GRM5: variants seen among roughly 807,000 people sequenced by gnomAD.
The protein encoded by GRM5 is glutamate metabotropic receptor 5.
A neutral mutation model predicts 83.1 loss-of-function variants in GRM5; 19 were observed. That is an observed-to-expected ratio of 0.23 (90% CI 0.16 to 0.34). The LOEUF is 0.34. Ranked by LOEUF, GRM5 falls within the 10% of genes least tolerant of loss-of-function variation. The pLI is 1.00. For synonymous variants in GRM5, 675 were observed against 633.6 expected (o/e 1.07, Z -0.98); for missense variants, 1,160 against 1,588.3 (o/e 0.73, Z 4.58).
intron 4 of GRM5, among the ~76,000 whole-genome samples, chr11:88,641,206 C>T (rs1939284690): frequency 6.6e-6 from 1 of 151,984 alleles, no homozygotes; most frequent in South Asian, 2.1e-4. Context: ...AAGTGCCACA[C>T]TTTACAATAG....
intron 2 of GRM5, among the ~76,000 whole-genome samples, chr11:88,884,904 T>C (rs1945016830): frequency 2.0e-5 from 3 of 152,158 alleles, no homozygotes; most frequent in African/African-American, 7.2e-5. Flanking sequence ...TTTTTCCTTA[T>C]AAATTACCCA....
At chr11:88,864,122 A>T (rs1944616973) in intron 2 of GRM5, among the ~76,000 whole-genome samples, 1 of 147,108 alleles carries the variant, frequency 6.8e-6, no homozygotes, top group Non-Finnish European at 1.5e-5. Context: ...AGATGGAGTA[A>T]ACAGAGCATA....
chr11:88,558,408 A>T (rs1942675266), intron 8 of GRM5, among the ~76,000 whole-genome samples: 2 of 152,118 alleles, frequency 1.3e-5, no homozygotes, highest in Non-Finnish European at 2.9e-5. Flanking sequence ...AATTGTTATT[A>T]TCCAAAGTAA....
At chr11:88,598,354 A>G (rs566376760) in intron 5 of GRM5, among the ~76,000 whole-genome samples, 3 of 152,272 alleles carry the variant, frequency 2.0e-5, no homozygotes, top group Admixed American at 2.0e-4. Context: ...AAATACTGAG[A>G]ACAAAACTGG....
At chr11:88,707,696 G>A (rs1336039585) in intron 3 of GRM5, among the ~76,000 whole-genome samples, 1 of 152,080 alleles carries the variant, frequency 6.6e-6, no homozygotes, top group Admixed American at 6.6e-5. Flanking sequence ...ACCAAGGGAT[G>A]ACTGTGGCCA....
chr11:88,725,326 C>A (rs1054140757), intron 3 of GRM5, among the ~76,000 whole-genome samples: 2 of 152,168 alleles, frequency 1.3e-5, no homozygotes, highest in Non-Finnish European at 2.9e-5. Flanking sequence ...AGCCAGACTG[C>A]CTCTCTAGAT....
chr11:88,741,192 C>G (rs1225687099), intron 3 of GRM5, among the ~76,000 whole-genome samples: 1 of 152,102 alleles, frequency 6.6e-6, no homozygotes, highest in African/African-American at 2.4e-5. Flanking sequence ...TAGTCAGGAC[C>G]AGCTGACACT....
At chr11:88,616,842 G>C (rs111244541) in intron 4 of GRM5, among the ~76,000 whole-genome samples, 2 of 152,096 alleles carry the variant, frequency 1.3e-5, no homozygotes, top group Non-Finnish European at 2.9e-5. Context: ...GCTCAGTTTT[G>C]CTGTCTTGTA....
intron 4 of GRM5, among the ~76,000 whole-genome samples, chr11:88,620,414 T>C (rs1409598261): frequency 6.6e-6 from 1 of 152,200 alleles, no homozygotes; most frequent in Admixed American, 6.5e-5. Flanking sequence ...TTGTTTATCA[T>C]TGTATTTCCA....
Position 88,871,590 on chromosome 11 carries a change from T to C in GRM5, c.662-21435A>G, listed in dbSNP as rs1944769326. Among the ~76,000 whole-genome samples the C allele has an allele frequency of 2.0e-5, 3 of 151,392 alleles. No individual in the cohort carries two copies. In the South Asian group the frequency reaches 6.2e-4, roughly 31 times the overall value. ...CAAAGTTTGGATGAAGAATAGGAGG[T>C]AAAAAGAGTATTTATGGAATGCAAA... On this transcript the variant is annotated intron_variant, in intron 2 of 9. Transcript: ENST00000305447.
chr11:88,668,295 TCG>T lies in GRM5; in HGVS notation c.912-14894_912-14893del, dbSNP rs749984270. Among the ~76,000 whole-genome samples the T allele has an allele frequency of 4.3e-3, 355 of 81,744 alleles. 3 individuals carry two copies. The highest frequency in any genetic ancestry group is 0.014 in the African/African-American group (243 of 17,168). 53.6% of individuals were successfully genotyped at this position (81,744 alleles called of 152,430 possible). A position where few individuals can be genotyped will look rare whatever the true frequency, so the allele number is the denominator to read the frequency against. ...GTTTATTTAAAACATCCCCAGAAAC[TCG>T]CACACACACACACACACACACACAC... On this transcript the variant is annotated intron_variant, in intron 3 of 9. Coordinates refer to ENST00000305447, the MANE Select transcript of GRM5 (RefSeq NM_001143831.3).
chr11:88,648,129 T>G (rs1257365748), intron 4 of GRM5, among the ~76,000 whole-genome samples: 1 of 152,126 alleles, frequency 6.6e-6, no homozygotes, highest in Non-Finnish European at 1.5e-5. Context: ...AGAAATACAA[T>G]TTGACCCACC....
intron 3 of GRM5, among the ~76,000 whole-genome samples, chr11:88,781,726 A>C (rs1213932483): frequency 6.6e-6 from 1 of 152,204 alleles, no homozygotes. Flanking sequence ...GGAAGACATT[A>C]ATGTGCTGAC....
intron 2 of GRM5, among the ~76,000 whole-genome samples, chr11:89,020,158 G>A (rs1004698587): frequency 2.0e-5 from 3 of 152,194 alleles, no homozygotes; most frequent in Non-Finnish European, 4.4e-5. Context: ...TACCATGTGA[G>A]TTAAGCATTT....
At chr11:88,972,365 G>GCC (rs1322785422) in intron 2 of GRM5, among the ~76,000 whole-genome samples, 2 of 152,076 alleles carry the variant, frequency 1.3e-5, no homozygotes, top group Non-Finnish European at 2.9e-5. Flanking sequence ...ACTGAAATTG[G>GCC]CCAGAAGCCC....
chr11:88,861,058 A>T (rs1337364403), intron 2 of GRM5, among the ~76,000 whole-genome samples: 3 of 152,202 alleles, frequency 2.0e-5, no homozygotes, highest in Non-Finnish European at 4.4e-5. Flanking sequence ...AATAAAATGT[A>T]TTATTAAATT....
intron 8 of GRM5, among the ~76,000 whole-genome samples, chr11:88,541,010 A>G (rs1266032157): frequency 6.6e-6 from 1 of 152,046 alleles, no homozygotes. Context: ...TCGGCTTCCC[A>G]AAGTGCTGGA....
At chr11:89,044,219 T>G (rs1206212085) in intron 2 of GRM5, among the ~76,000 whole-genome samples, 1 of 152,210 alleles carries the variant, frequency 6.6e-6, no homozygotes, top group Admixed American at 6.5e-5. Context: ...AGTCATTGCA[T>G]ATTCCTTTCC....
chr11:88,654,968 G>A (rs745601907), intron 3 of GRM5, among the ~76,000 whole-genome samples: 97 of 151,950 alleles, frequency 6.4e-4, no homozygotes, highest in Non-Finnish European at 1.1e-3. Context: ...TACTTATTAA[G>A]ATATCATAAG....
Sources: gnomAD v4.1 joint callset for allele counts (sites outside exome capture counted in the v4.1 genomes callset) on GRCh38, gnomAD v4.1.1 for gene constraint, MANE v1.5 for transcripts, NCBI Gene and HGNC (gene_info 2026-07-23, HGNC 2026-07-21) for gene names.